SLC4A10: variants seen among roughly 807,000 people sequenced by gnomAD.
SLC4A10 encodes the protein sodium-driven chloride bicarbonate exchanger.
Under a neutral mutation model 137.7 loss-of-function variants are expected in SLC4A10, and 42 were observed. The observed-to-expected ratio is 0.30, with a 90% confidence interval of 0.24 to 0.39. SLC4A10 has a LOEUF of 0.39. SLC4A10 is among the 10% of genes least tolerant of loss of function. The probability of loss-of-function intolerance (pLI) is 1.00; values close to 1 mark genes in which losing one functional copy is unlikely to be tolerated. For synonymous variants in SLC4A10, 474 were observed against 464.1 expected, an observed-to-expected ratio of 1.02 and a Z score of -0.27; for missense variants, 925 against 1,355.0, an observed-to-expected ratio of 0.68 and a Z score of 4.98.
At chr2:161,950,569 A>T (rs1694621896) in intron 18 of SLC4A10, 118 bp from the exon 19 acceptor site, 2 of 802,510 alleles carry the variant, frequency 2.5e-6, no homozygotes. Context: ...TATTTATTAT[A>T]GGCCACTCAG....
intron 2 of SLC4A10, among the ~76,000 whole-genome samples, chr2:161,784,307 A>T (rs956929832): frequency 6.6e-6 from 1 of 151,892 alleles, no homozygotes. Context: ...TCAATACCTC[A>T]TTTTGAATGA....
chr2:161,957,320 TAAATTTGC>T, intron 20 of SLC4A10, 80 bp downstream of exon 20: 1 of 1,470,140 alleles, frequency 6.8e-7, no homozygotes, highest in Non-Finnish European at 9.1e-7. Context: ...ATCTGAGCCA[TAAATTTGC>T]AAATATTGTG....
At chr2:161,882,618 A>G (rs1256262543) in intron 10 of SLC4A10, among the ~76,000 whole-genome samples, 174 bp downstream of exon 10, 1 of 152,116 alleles carries the variant, frequency 6.6e-6, no homozygotes, top group Non-Finnish European at 1.5e-5. Flanking sequence ...AAGGGATAAT[A>G]AATTAACACC....
At chr2:161,854,889 T>G in intron 4 of SLC4A10, 81 bp from the exon 5 acceptor site, 5 of 1,349,268 alleles carry the variant, frequency 3.7e-6, no homozygotes, top group Non-Finnish European at 4.9e-6. Flanking sequence ...TATTTTTCTA[T>G]TTCAACCTTT....
chr2:161,736,664 G>A (rs2047377163), intron 1 of SLC4A10, among the ~76,000 whole-genome samples: 1 of 152,116 alleles, frequency 6.6e-6, no homozygotes, highest in African/African-American at 2.4e-5. Context: ...CCTCCACCAT[G>A]ATTCAATTAT....
chr2:161,709,345 A>G (rs563327734), intron 1 of SLC4A10, among the ~76,000 whole-genome samples: 15 of 151,668 alleles, frequency 9.9e-5, no homozygotes, highest in Non-Finnish European at 1.9e-4. Context: ...AGTTTGGTGA[A>G]TAGAATCATC....
At chr2:161,749,315 G>A (rs1050459335) in intron 1 of SLC4A10, among the ~76,000 whole-genome samples, 1 of 151,932 alleles carries the variant, frequency 6.6e-6, no homozygotes, top group African/African-American at 2.4e-5. Context: ...ACATTAAATA[G>A]AAGTGATGAG....
chr2:161,979,154 T>A (rs1202579311), intron 26 of SLC4A10, among the ~76,000 whole-genome samples: 3 of 152,166 alleles, frequency 2.0e-5, no homozygotes, highest in African/African-American at 7.2e-5. Context: ...CTGTAAAAAA[T>A]TTTCTTCCTG....
intron 1 of SLC4A10, among the ~76,000 whole-genome samples, chr2:161,755,666 C>T (rs568995778): frequency 6.6e-6 from 1 of 152,258 alleles, no homozygotes; most frequent in African/African-American, 2.4e-5. Flanking sequence ...TTGTTTTTCT[C>T]ACAATTCCAA....
At chr2:161,719,970 A>G (rs1386065935) in intron 1 of SLC4A10, among the ~76,000 whole-genome samples, 2 of 152,186 alleles carry the variant, frequency 1.3e-5, no homozygotes, top group African/African-American at 4.8e-5. Flanking sequence ...GTCCTTGCCC[A>G]TGCATATGTC....
intron 1 of SLC4A10, among the ~76,000 whole-genome samples, chr2:161,759,451 G>T (rs1175758706): frequency 6.6e-6 from 1 of 151,920 alleles, no homozygotes; most frequent in African/African-American, 2.4e-5. Flanking sequence ...ATAACTGAAA[G>T]TTTGTACATT....
chr2:161,868,616 A>G (rs2060914677), intron 6 of SLC4A10, among the ~76,000 whole-genome samples: 1 of 151,694 alleles, frequency 6.6e-6, no homozygotes, highest in Admixed American at 6.6e-5. Flanking sequence ...TATGAATACT[A>G]TATAATATAT....
At chr2:161,674,492 T>C (rs1038249865) in intron 1 of SLC4A10, among the ~76,000 whole-genome samples, 2 of 152,190 alleles carry the variant, frequency 1.3e-5, no homozygotes, top group Non-Finnish European at 2.9e-5. Flanking sequence ...AAGCACTGTG[T>C]GATAGTTTAG....
At chr2:161,971,074 T>A (rs749779042) in intron 23 of SLC4A10, among the ~76,000 whole-genome samples, 1 of 152,256 alleles carries the variant, frequency 6.6e-6, no homozygotes, top group Non-Finnish European at 1.5e-5. Flanking sequence ...TTAAATTTTC[T>A]GAGAGTCAAG....
chr2:161,928,563 C>G (rs974401025), intron 15 of SLC4A10, among the ~76,000 whole-genome samples: 1 of 144,266 alleles, frequency 6.9e-6, no homozygotes, highest in African/African-American at 2.6e-5. Context: ...ATAAAAATAT[C>G]TTGAAAATTA....
chr2:161,823,001 T>A (rs994594584), intron 3 of SLC4A10, among the ~76,000 whole-genome samples: 1 of 151,142 alleles, frequency 6.6e-6, no homozygotes, highest in South Asian at 2.1e-4. Context: ...ATATATATAC[T>A]TTTTTTTTAG....
At chr2:161,824,949 C>T (rs1271717366) in intron 3 of SLC4A10, among the ~76,000 whole-genome samples, 6 of 152,190 alleles carry the variant, frequency 3.9e-5, no homozygotes, top group Non-Finnish European at 5.9e-5. Flanking sequence ...TCCTCCTCCT[C>T]AGCATACTCA....
chr2:161,686,417 T>C (rs893642651), intron 1 of SLC4A10, among the ~76,000 whole-genome samples: 2 of 152,164 alleles, frequency 1.3e-5, no homozygotes, highest in Non-Finnish European at 2.9e-5. Flanking sequence ...ATAACTAGTA[T>C]TGATGAGGCA....
intron 3 of SLC4A10, among the ~76,000 whole-genome samples, chr2:161,839,572 A>T (rs887071689): frequency 2.8e-4 from 43 of 151,908 alleles, no homozygotes; most frequent in African/African-American, 1.0e-3. Context: ...TACATTTTAC[A>T]TATTTATTTT....
Sources: allele counts gnomAD v4.1 joint callset (sites outside exome capture counted in the v4.1 genomes callset), GRCh38; gene constraint gnomAD v4.1.1; transcripts MANE v1.5; gene names NCBI Gene and HGNC (gene_info 2026-07-23, HGNC 2026-07-21).